TUT7: variants seen among roughly 807,000 people sequenced by gnomAD.
TUT7 encodes the protein terminal uridylyltransferase 7.
A neutral mutation model predicts 165.9 loss-of-function variants in TUT7; 33 were observed. The ratio of observed to expected loss-of-function variants is 0.20; its 90% confidence interval spans 0.15 to 0.27. TUT7 has a LOEUF of 0.27. Ranked by LOEUF, TUT7 falls within the 10% of genes least tolerant of loss-of-function variation. The probability of loss-of-function intolerance (pLI) is 1.00; values close to 1 mark genes in which losing one functional copy is unlikely to be tolerated. For synonymous variants in TUT7, 552 were observed against 608.1 expected (o/e 0.91, Z 1.36); for missense variants, 1,338 against 1,762.3 (o/e 0.76, Z 4.31).
Position 86,319,022 on chromosome 9 carries a change from C to T in TUT7, c.3152G>A (p.Gly1051Glu), listed in dbSNP as rs1178951988. The change falls in exon 16 of 27, where the codon GGA becomes GAA. Residue 1051 changes from glycine (G) to glutamate (E), a missense_variant. Physicochemically the swap from Gly to Glu is moderately conservative, Grantham distance 98. Transcript: ENST00000375963. ...KLSLFGSSKNGFGFKQSDLDV... is the reference protein window; with the variant it reads ...KLSLFGSSKNEFGFKQSDLDV... Reference sequence around the variant, plus strand: ...AAGGTCACTCTGTTTGAACCCAAATCCATTTTTGGAGGAGCCAAACAGGCT... The same window carrying T: ...AAGGTCACTCTGTTTGAACCCAAATTCATTTTTGGAGGAGCCAAACAGGCT... The T allele has an allele frequency of 6.2e-7, 1 of 1,613,824 alleles. No homozygotes were observed. The highest frequency in any genetic ancestry group is 2.2e-5 in the East Asian group (1 of 44,856).
chr9:86,314,763 A>T (rs1400528049), intron 17 of TUT7, among the ~76,000 whole-genome samples: 1 of 152,210 alleles, frequency 6.6e-6, no homozygotes, highest in Non-Finnish European at 1.5e-5. Flanking sequence ...CCTCCTGAAG[A>T]AACTTCAGTG....
chr9:86,352,809 C>T lies in TUT7; in HGVS notation c.391G>A (p.Asp131Asn). Residue 131 changes from aspartate (D) to asparagine (N), a missense_variant, in exon 2 of 27, where the codon GAC (aspartate) becomes AAC (asparagine). Around this residue, in one of 7 missense-constraint regions of TUT7, gnomAD observed 434 missense variants for 480.8 expected, o/e 0.90. Transcript: ENST00000375963. The part of the protein sequence containing the change: ...RIPVINRQRK[D>N]SFQENEDGYR... ...CCATCTTCATTTTCTTGAAAGGAGTCTTTTCTTTGTCGGTTTATAACAGGA... is the reference window on the plus strand; with the variant it reads ...CCATCTTCATTTTCTTGAAAGGAGTTTTTTCTTTGTCGGTTTATAACAGGA... 1 of 1,614,110 alleles carries T rather than the reference C, an allele frequency of 6.2e-7. No individual in the cohort carries two copies. The highest frequency in any genetic ancestry group is 8.5e-7 in the Non-Finnish European group (1 of 1,180,012).
chr9:86,316,009 T>A (rs958782856), intron 17 of TUT7, among the ~76,000 whole-genome samples: 1 of 152,200 alleles, frequency 6.6e-6, no homozygotes, highest in Non-Finnish European at 1.5e-5. Context: ...ATGCTGTGAC[T>A]TAAAGTCTGT....
intron 23 of TUT7, 105 bp from the exon 24 acceptor site, chr9:86,305,052 C>G (rs1827332168): frequency 8.5e-7 from 1 of 1,176,554 alleles, no homozygotes; most frequent in Non-Finnish European, 1.2e-6. Context: ...TTCTAGCACT[C>G]TGGGAGGCTG....
chr9:86,301,628 A>G, intron 25 of TUT7, 27 bp from the exon 26 acceptor site: 1 of 1,578,718 alleles, frequency 6.3e-7, no homozygotes, highest in Non-Finnish European at 8.6e-7. Context: ...ATTAGTAGCA[A>G]AAATCTAAAC....
chr9:86,312,084 G>C (rs1352651620), intron 17 of TUT7, among the ~76,000 whole-genome samples: 3 of 151,360 alleles, frequency 2.0e-5, no homozygotes, highest in Non-Finnish European at 4.4e-5. Context: ...GCCGCCCATC[G>C]TCTGGGATGT....
chr9:86,313,137 T>TAAAC lies in TUT7; in HGVS notation c.3275-2329_3275-2328insGTTT, dbSNP rs1035998145. On this transcript the variant is annotated intron_variant, in intron 17 of 26. Transcript: ENST00000375963. ...CCAAGAATGATCAATAATAAATAAATAAATAAATAAATAAATAAATAAATA... is the reference window on the plus strand; with the variant it reads ...CCAAGAATGATCAATAATAAATAAATAAACAAATAAATAAATAAATAAATAAATA... Among the ~76,000 whole-genome samples, 3 of 148,872 alleles carry TAAAC rather than the reference T, an allele frequency of 2.0e-5. No homozygotes were observed. In the Admixed American group the frequency reaches 2.0e-4, roughly 10 times the overall value.
intron 10 of TUT7, among the ~76,000 whole-genome samples, chr9:86,330,467 C>T (rs994433167): frequency 2.0e-5 from 3 of 152,186 alleles, no homozygotes; most frequent in African/African-American, 7.2e-5. Context: ...ACAGAAAACA[C>T]TTTGGAAAAT....
At chr9:86,344,727 T>C (rs1176132245) in intron 5 of TUT7, 3 of 460,468 alleles carry the variant, frequency 6.5e-6, no homozygotes, top group Non-Finnish European at 1.1e-5. Context: ...GCCCCAATAA[T>C]GCAGGGCATT....
intron 6 of TUT7, among the ~76,000 whole-genome samples, chr9:86,342,214 C>T (rs1831385468): frequency 6.6e-6 from 1 of 152,082 alleles, no homozygotes; most frequent in South Asian, 2.1e-4. Context: ...TGTTCATGAA[C>T]TCCTGGGCTC....
intron 10 of TUT7, among the ~76,000 whole-genome samples, chr9:86,332,062 C>A (rs1485374016): frequency 6.6e-6 from 1 of 152,172 alleles, no homozygotes; most frequent in Admixed American, 6.5e-5. Flanking sequence ...TACCATCTTA[C>A]ACCAGTCAGA....
intron 26 of TUT7, among the ~76,000 whole-genome samples, chr9:86,292,391 C>T (rs1384615966): frequency 6.6e-6 from 1 of 151,562 alleles, no homozygotes; most frequent in African/African-American, 2.4e-5. Context: ...ATCACTGGAA[C>T]CTAGGAGGTG....
At chr9:86,322,757 C>A in intron 13 of TUT7, 116 bp downstream of exon 13, 9 of 1,238,432 alleles carry the variant, frequency 7.3e-6, no homozygotes, top group Non-Finnish European at 9.8e-6. Context: ...GAATGAAAGG[C>A]CAACTTGTTC....
Position 86,308,547 on chromosome 9 carries a change from G to A in TUT7, c.3720C>T (p.Gly1240=), listed in dbSNP as rs1827738190. The part of the protein sequence containing the change: ...NTESVGQLWL[G]LLRFYTEEFD... ...ATTCCTCTGTGTAGAAACGAAGAAGGCCCAACCATAACTGCCCAACAGATT... is the reference window on the plus strand; with the variant it reads ...ATTCCTCTGTGTAGAAACGAAGAAGACCCAACCATAACTGCCCAACAGATT... Residue 1240 remains glycine (G), a synonymous_variant, in exon 22 of 27, where the codon GGC becomes GGT. Transcript: ENST00000375963. The A allele has an allele frequency of 6.2e-7, 1 of 1,613,748 alleles. No individual in the cohort carries two copies. The highest frequency in any genetic ancestry group is 2.2e-5 in the East Asian group (1 of 44,844).
chr9:86,305,306 T>C (rs1827364530), intron 22 of TUT7, 67 bp from the exon 23 acceptor site: 1 of 1,041,902 alleles, frequency 9.6e-7, no homozygotes, highest in Admixed American at 2.5e-5. Context: ...ATCCAATAAG[T>C]AAAGTTCATA....
At position 86,345,007 on chromosome 9, in the gene TUT7, T is replaced by G; in HGVS notation, c.967A>C (p.Met323Leu). 6.2e-7 allele frequency: 1 copy of G among 1,613,200 alleles called. No individual in the cohort carries two copies. Among genetic ancestry groups the G allele is most frequent in the Non-Finnish European group, 8.5e-7 (1 of 1,179,696 alleles). Residue 323 changes from methionine to leucine, a missense_variant, in exon 5 of 27, where the codon ATG becomes CTG. Transcript: ENST00000375963. ...LEQRLEIKRI[M>L]ENVFQHKLPD... The stretch of plus-strand genomic sequence containing the variant: ...AACTTGTGTTGGAACACATTTTCCA[T>G]GATACGTTTAATTTCCAGCCTCTGT...
intron 2 of TUT7, among the ~76,000 whole-genome samples, chr9:86,352,231 CTG>C (rs1299422302): frequency 6.6e-6 from 1 of 152,092 alleles, no homozygotes; most frequent in Non-Finnish European, 1.5e-5. Flanking sequence ...GCAGTGTATA[CTG>C]TGTTTTTACA....
chr9:86,344,209 A>C (rs1281701224), intron 5 of TUT7, among the ~76,000 whole-genome samples: 1 of 152,224 alleles, frequency 6.6e-6, no homozygotes, highest in Non-Finnish European at 1.5e-5. Context: ...TTGTAAAAAT[A>C]GTTGTCCATG....
At chr9:86,298,352 G>A (rs1826548812) in intron 26 of TUT7, among the ~76,000 whole-genome samples, 1 of 152,180 alleles carries the variant, frequency 6.6e-6, no homozygotes, top group African/African-American at 2.4e-5. Flanking sequence ...TTGAAAGAAT[G>A]AATAAATGAA....
Sources: gnomAD v4.1 joint callset for allele counts (sites outside exome capture counted in the v4.1 genomes callset) on GRCh38, gnomAD v4.1.1 for gene constraint, gnomAD v4.1.1 regional missense constraint, MANE v1.5 for transcripts, NCBI Gene and HGNC (gene_info 2026-07-23, HGNC 2026-07-21) for gene names.